The following CFAP46 variants were observed in gnomAD, a reference collection of about 807,000 sequenced individuals.
The protein encoded by CFAP46 is cilia and flagella associated protein 46.
A neutral mutation model predicts 325.7 loss-of-function variants in CFAP46; 245 were observed. The ratio of observed to expected loss-of-function variants is 0.75; its 90% confidence interval spans 0.68 to 0.84. CFAP46 has a LOEUF of 0.84. CFAP46 is among the 40% of genes least tolerant of loss of function. CFAP46 has a pLI of 0.00. For missense variants in CFAP46, 3,346 were observed against 3,543.0 expected (o/e 0.94, Z 1.41); for synonymous variants, 1,523 against 1,495.9 (o/e 1.02, Z -0.42).
intron 41 of CFAP46, among the ~76,000 whole-genome samples, chr10:132,848,360 C>A (rs1848475768): frequency 6.6e-6 from 1 of 152,158 alleles, no homozygotes; most frequent in Non-Finnish European, 1.5e-5. Context: ...GAGAAACAGC[C>A]TGAAATGTCA....
chr10:132,888,926 G>A (rs1214123161), intron 25 of CFAP46, among the ~76,000 whole-genome samples: 1 of 146,462 alleles, frequency 6.8e-6, no homozygotes, highest in Non-Finnish European at 1.5e-5. Context: ...CACCCCCACT[G>A]GCCCTGCTGT....
chr10:132,887,886 CCT>C (rs1226986928), intron 25 of CFAP46, among the ~76,000 whole-genome samples: 1 of 94,458 alleles, frequency 1.1e-5, no homozygotes, highest in Admixed American at 1.0e-4. Flanking sequence ...TCTCTCCTCT[CCT>C]CTCTCCTCTT....
At chr10:132,932,512 A>G (rs977013056) in intron 8 of CFAP46, among the ~76,000 whole-genome samples, 2 of 113,534 alleles carry the variant, frequency 1.8e-5, no homozygotes, top group African/African-American at 7.8e-5. Context: ...AACCTTCCCA[A>G]CACTCCTGAC....
intron 24 of CFAP46, among the ~76,000 whole-genome samples, chr10:132,896,899 T>C (rs181675802): frequency 1.6e-4 from 24 of 152,314 alleles, no homozygotes; most frequent in African/African-American, 5.5e-4. Flanking sequence ...TAGCATAGTG[T>C]TGGCAAAATG....
Position 132,820,952 on chromosome 10 carries a change from GTGCTGATGTGTGCTGTGTGTGTGC to G in CFAP46, c.7118-6062_7118-6039del, listed in dbSNP as rs1565034851. ...GTGTGTGCGCTGATGTGTGCTGTGT[GTGCTGATGTGTGCTGTGTGTGTGC>G]TGATGTGTGCTGTGTGTGTGCTGAT... On this transcript the variant is annotated intron_variant, in intron 50 of 57. Transcript: ENST00000368586. 2.1e-4 allele frequency among the ~76,000 whole-genome samples: 18 copies of G among 85,248 alleles called. 1 individual carries two copies. The South Asian group carries it at 3.8e-3, about 18-fold the overall frequency. 55.9% of individuals were successfully genotyped at this position (85,248 alleles called of 152,430 possible). A position where few individuals can be genotyped will look rare whatever the true frequency, so the allele number is the denominator to read the frequency against.
At chr10:132,820,198 T>C (rs1288001228) in intron 50 of CFAP46, among the ~76,000 whole-genome samples, 2 of 152,258 alleles carry the variant, frequency 1.3e-5, no homozygotes, top group Non-Finnish European at 2.9e-5. Flanking sequence ...CCTGTCGCCG[T>C]TGGCGACAAC....
At chr10:132,810,082 C>G (rs893483388) in intron 57 of CFAP46, among the ~76,000 whole-genome samples, 13 of 152,200 alleles carry the variant, frequency 8.5e-5, no homozygotes, top group African/African-American at 2.9e-4. Flanking sequence ...CAGACAGCCC[C>G]TGGGCTCGTG....
rs764353195 is a variant in CFAP46, at chr10:132,857,697, C to G, written c.5467G>C (p.Glu1823Gln). The G allele has an allele frequency of 1.9e-6, 3 of 1,613,468 alleles. No homozygotes were observed. The highest frequency in any genetic ancestry group is 2.5e-6 in the Non-Finnish European group (3 of 1,179,872). The change falls in exon 39 of 58, where the codon GAA becomes CAA. Residue 1823 changes from glutamate (E) to glutamine (Q), a missense_variant. Physicochemically the swap from Glu to Gln is conservative, Grantham distance 29. Coordinates refer to ENST00000368586, the MANE Select transcript of CFAP46 (RefSeq NM_001200049.3). ...GLAQGAVAEE[E>Q]GRLHSIQGLY... ...CCCTGGATGCTGTGAAGCCTCCCTT[C>G]TTCCTCAGCTACGGCACCCTGGGCC...
chr10:132,810,396 G>T lies in CFAP46; in HGVS notation c.7664+13C>A. 1.9e-6 allele frequency: 3 copies of T among 1,612,168 alleles called. No individual in the cohort carries two copies. Among genetic ancestry groups the T allele is most frequent in the Non-Finnish European group, 2.5e-6 (3 of 1,179,130 alleles). On this transcript the variant is annotated intron_variant, in intron 57 of 57. Transcript: ENST00000368586. ...TGCTGAAGGCCGCGGGGTGCAGGCC[G>T]CCCCTCCCTTACCTTGGTTCACCGC... is the stretch of plus-strand genomic sequence containing the variant.
intron 27 of CFAP46, among the ~76,000 whole-genome samples, chr10:132,882,545 A>G (rs2135380381): frequency 1.3e-5 from 2 of 151,962 alleles, no homozygotes; most frequent in Middle Eastern, 6.8e-3. Flanking sequence ...GGTTTTGGGT[A>G]AGATGCTGGC....
chr10:132,909,245 C>T lies in CFAP46; in HGVS notation c.2650-1G>A. ...CCGAGCTGACATCCTCATTGGTGCC[C>T]TGGTGGGGAGGATGCCCTGAGTGTA... On this transcript the variant is annotated splice_acceptor_variant, in intron 20 of 57. Transcript: ENST00000368586. LOFTEE classifies it high-confidence loss of function. The T allele has an allele frequency of 1.3e-6, 2 of 1,549,470 alleles. No homozygotes were observed. Among genetic ancestry groups the T allele is most frequent in the African/African-American group, 1.4e-5 (1 of 73,136 alleles).
In CFAP46 at chr10:132,822,181, CTGA is replaced by C. The variant is rs1242109194; in HGVS notation, c.7118-7270_7118-7268del. 4.8e-4 allele frequency among the ~76,000 whole-genome samples: 55 copies of C among 115,294 alleles called. 1 individual carries two copies. The highest frequency in any genetic ancestry group is 0.011 in the Middle Eastern group (1 of 94). 75.6% of individuals were successfully genotyped at this position (115,294 alleles called of 152,430 possible). A position where few individuals can be genotyped will look rare whatever the true frequency, so the allele number is the denominator to read the frequency against. On this transcript the variant is annotated intron_variant, in intron 50 of 57. Coordinates refer to ENST00000368586, the MANE Select transcript of CFAP46 (RefSeq NM_001200049.3). ...TGTGTGCTGTGTGTGCTGATGTGTG[CTGA>C]TGTGTGCACTGTGTGCTGTGTGTGT...
rs535638626 is a variant in CFAP46, at chr10:132,869,231, C to T, written c.4610+43G>A. ...GGCTTTCACCTGGCCGCACCAAGGG[C>T]GAGACTCAAACCCCAGGCGGCGCAG... On this transcript the variant is annotated intron_variant, in intron 33 of 57. Transcript: ENST00000368586. This position sits in a 1 kb window ranked among gnomAD's most constrained non-coding sequence, Gnocchi z 6.2. The T allele has an allele frequency of 1.4e-5, 21 of 1,468,518 alleles. No homozygotes were observed. The highest frequency in any genetic ancestry group is 1.1e-4 in the African/African-American group (8 of 70,550). The allele number at this position is 1,468,518 out of a possible 1,614,324, so 91.0% of individuals were successfully genotyped here.
chr10:132,899,856 C>T (rs1449127035), intron 22 of CFAP46, among the ~76,000 whole-genome samples, 190 bp from the exon 23 acceptor site: 1 of 152,240 alleles, frequency 6.6e-6, no homozygotes, highest in African/African-American at 2.4e-5. Flanking sequence ...ACTTGCTAGA[C>T]TGCAGGGATG....
At chr10:132,910,111 C>A in intron 19 of CFAP46, 43 bp from the exon 20 acceptor site, 2 of 1,366,324 alleles carry the variant, frequency 1.5e-6, no homozygotes, top group Non-Finnish European at 1.9e-6. Context: ...GAATTCTAAA[C>A]AGGGGACCTT....
In CFAP46 at chr10:132,817,881, G is replaced by A. The variant is rs925264989; in HGVS notation, c.7118-2967C>T. ...TGGGTCACAGTGAACGGCGTCGGCC[G>A]CGCTCTGCCTGGAGGCTCCCGGGGA... On this transcript the variant is annotated intron_variant, in intron 50 of 57. Coordinates refer to ENST00000368586, the MANE Select transcript of CFAP46 (RefSeq NM_001200049.3). The surrounding 1 kb of genome is among the most constrained non-coding windows in gnomAD (Gnocchi z 4.4). Among the ~76,000 whole-genome samples, 4 of 152,228 alleles carry A rather than the reference G, an allele frequency of 2.6e-5. No homozygotes were observed. Among genetic ancestry groups the A allele is most frequent in the East Asian group, 1.9e-4 (1 of 5,198 alleles).
At chr10:132,809,354 G>A (rs115694331) in intron 57 of CFAP46, among the ~76,000 whole-genome samples, 1,845 of 152,330 alleles carry the variant, frequency 0.012, 48 homozygotes, top group African/African-American at 0.042. Context: ...GCCCTTCCCC[G>A]ATTCCCCAGC....
intron 39 of CFAP46, among the ~76,000 whole-genome samples, chr10:132,855,038 T>C (rs1317563585): frequency 6.6e-6 from 1 of 151,968 alleles, no homozygotes; most frequent in Non-Finnish European, 1.5e-5. Flanking sequence ...CTTCAGGTCA[T>C]ATTGGTTGGT....
chr10:132,863,025 G>T (rs1406714055), intron 35 of CFAP46, among the ~76,000 whole-genome samples: 1 of 152,180 alleles, frequency 6.6e-6, no homozygotes, highest in Non-Finnish European at 1.5e-5. Flanking sequence ...GTGAAACAAA[G>T]TCCCTGCAAA....
Sources: allele counts gnomAD v4.1 joint callset (sites outside exome capture counted in the v4.1 genomes callset), GRCh38; gene constraint gnomAD v4.1.1; non-coding constraint Gnocchi (gnomAD v3.1); transcripts MANE v1.5; gene names NCBI Gene and HGNC (gene_info 2026-07-23, HGNC 2026-07-21).